ADD2: variants seen among roughly 807,000 people sequenced by gnomAD.
The protein encoded by ADD2 is beta-adducin.
A neutral mutation model predicts 83.0 loss-of-function variants in ADD2; 23 were observed. The observed-to-expected ratio is 0.28, with a 90% CI of 0.20 to 0.39. ADD2 has a LOEUF of 0.39. Ranked by LOEUF, ADD2 falls within the 10% of genes least tolerant of loss-of-function variation. The pLI, the probability that ADD2 is intolerant of heterozygous loss-of-function variation, is 1.00. For synonymous variants in ADD2, 375 were observed against 375.4 expected (o/e 1.00, Z 0.01); for missense variants, 758 against 944.9 (o/e 0.80, Z 2.59).
chr2:70,688,144 A>G, intron 8 of ADD2, 22 bp from the exon 9 acceptor site: 1 of 1,597,242 alleles, frequency 6.3e-7, no homozygotes, highest in Non-Finnish European at 8.6e-7. Context: ...TAAATAGTCA[A>G]TTAAAACCTT....
intron 15 of ADD2, among the ~76,000 whole-genome samples, chr2:70,664,986 GA>G (rs1553365891): frequency 1.2e-5 from 1 of 81,056 alleles, no homozygotes; most frequent in Non-Finnish European, 2.7e-5. Flanking sequence ...GAATGTGTGC[GA>G]GTGAGTGTGT....
chr2:70,733,857 T>A (rs1454471880), intron 1 of ADD2, among the ~76,000 whole-genome samples: 1 of 152,206 alleles, frequency 6.6e-6, no homozygotes, highest in Non-Finnish European at 1.5e-5. Context: ...GCTGTACTGA[T>A]AAAGAAAGGA....
chr2:70,743,737 G>A (rs1285248479), intron 1 of ADD2, among the ~76,000 whole-genome samples: 1 of 152,172 alleles, frequency 6.6e-6, no homozygotes, highest in Admixed American at 6.5e-5. Flanking sequence ...AGTCAACAAT[G>A]AAATAGGAAG....
chr2:70,689,527 C>T (rs1182778097), intron 8 of ADD2, among the ~76,000 whole-genome samples: 11 of 152,210 alleles, frequency 7.2e-5, no homozygotes, highest in Admixed American at 4.6e-4. Context: ...ACAATGAATA[C>T]CCCATCTCTC....
intron 1 of ADD2, among the ~76,000 whole-genome samples, chr2:70,737,404 G>A (rs1156461845): frequency 6.6e-6 from 1 of 152,066 alleles, no homozygotes; most frequent in Non-Finnish European, 1.5e-5. Context: ...CATAAAAAAG[G>A]ATGAGTTCAT....
chr2:70,685,220 C>T (rs1165331145), intron 9 of ADD2, among the ~76,000 whole-genome samples: 1 of 152,114 alleles, frequency 6.6e-6, no homozygotes, highest in Non-Finnish European at 1.5e-5. Context: ...ATGAAAAAAT[C>T]CAATTTAACC....
At chr2:70,702,772 T>C (rs1165045151) in intron 4 of ADD2, among the ~76,000 whole-genome samples, 2 of 150,718 alleles carry the variant, frequency 1.3e-5, no homozygotes, top group Non-Finnish European at 3.0e-5. Context: ...TAAAAATCTA[T>C]AAGAAAATAA....
Position 70,663,753 on chromosome 2 carries a change from G to T in ADD2, c.1871-18C>A. ...AGTACCTTCTAGAAAAAGATCAAAA[G>T]ATATGACCTGTAAGATTTCATTCAG... On this transcript the variant is annotated intron_variant, in intron 15 of 15. Transcript: ENST00000264436. The T allele has an allele frequency of 1.9e-6, 3 of 1,604,334 alleles. No homozygotes were observed. Among genetic ancestry groups the T allele is most frequent in the South Asian group, 2.2e-5 (2 of 90,360 alleles).
intron 1 of ADD2, among the ~76,000 whole-genome samples, chr2:70,745,026 A>C (rs6744191): frequency 0.35 from 52,607 of 151,904 alleles, 9,164 homozygotes; most frequent in Middle Eastern, 0.41. Context: ...GTGGCTCACG[A>C]TTGTAATCCC....
intron 15 of ADD2, among the ~76,000 whole-genome samples, chr2:70,668,099 G>T (rs1449467926): frequency 6.6e-6 from 1 of 152,156 alleles, no homozygotes; most frequent in Admixed American, 6.5e-5. Context: ...TAGAGCTCCT[G>T]GTTCTCAGGC....
intron 1 of ADD2, among the ~76,000 whole-genome samples, chr2:70,752,068 CAA>C (rs1371713158): frequency 5.3e-5 from 8 of 152,112 alleles, no homozygotes; most frequent in Admixed American, 3.9e-4. Context: ...GGTTTCAAGC[CAA>C]AGACACTACA....
At chr2:70,673,397 AACC>A (rs1553367559) in intron 14 of ADD2, 1 of 1,274,798 alleles carries the variant, frequency 7.8e-7, no homozygotes, top group Non-Finnish European at 1.1e-6. Context: ...GTGGACCCAC[AACC>A]ACCAACTCCC....
chr2:70,713,266 C>A, intron 1 of ADD2, 82 bp from the exon 2 acceptor site: 1 of 557,724 alleles, frequency 1.8e-6, no homozygotes, highest in Non-Finnish European at 2.3e-6. Context: ...CTGGGAAATT[C>A]CTTAAAATGA....
chr2:70,714,292 A>G (rs1672350719), intron 1 of ADD2, among the ~76,000 whole-genome samples: 1 of 151,976 alleles, frequency 6.6e-6, no homozygotes, highest in Non-Finnish European at 1.5e-5. Context: ...CCCCCACCCT[A>G]CCGCCACCTG....
chr2:70,689,190 C>A (rs1019173933), intron 8 of ADD2, among the ~76,000 whole-genome samples: 1 of 152,234 alleles, frequency 6.6e-6, no homozygotes, highest in Non-Finnish European at 1.5e-5. Flanking sequence ...ATGTTTTAGA[C>A]TCAGTCAGGG....
rs782402664 is a variant in ADD2, at chr2:70,678,714, G to A, written c.1373C>T (p.Pro458Leu). ...TGGGCTCCCCCTTACCGTGGTCTTGGGTCGGGGGCTGCCCATGCTCCTCTG... is the reference window on the plus strand; with the variant it reads ...TGGGCTCCCCCTTACCGTGGTCTTGAGTCGGGGGCTGCCCATGCTCCTCTG... ...EVQRSMGSPR[P>L]KTTWMKADEV... The change falls in exon 11 of 16, where the codon CCC becomes CTC. Residue 458 changes from proline to leucine, a missense_variant. Physicochemically the swap from Pro to Leu is moderately conservative, Grantham distance 98. Transcript: ENST00000264436. The A allele has an allele frequency of 8.3e-6, 13 of 1,566,272 alleles. No homozygotes were observed. The highest frequency in any genetic ancestry group is 1.1e-5 in the Non-Finnish European group (13 of 1,154,322).
chr2:70,738,337 T>C (rs1395318686), intron 1 of ADD2, among the ~76,000 whole-genome samples: 2 of 152,112 alleles, frequency 1.3e-5, no homozygotes, highest in African/African-American at 4.8e-5. Context: ...AGACTGACAA[T>C]TAGCCTAGGG....
At chr2:70,701,295 A>G (rs1454604967) in intron 4 of ADD2, among the ~76,000 whole-genome samples, 9 of 151,410 alleles carry the variant, frequency 5.9e-5, no homozygotes, top group South Asian at 2.1e-4. Flanking sequence ...AGTTCAAGGG[A>G]AAAAAAAACC....
Position 70,663,692 on chromosome 2 carries a change from C to T in ADD2, c.1914G>A (p.Glu638=), listed in dbSNP as rs782732851. Residue 638 remains glutamate (E), a synonymous_variant, in exon 16 of 16, where the codon GAG becomes GAA. Coordinates refer to ENST00000264436, the MANE Select transcript of ADD2 (RefSeq NM_001617.4). The part of the protein sequence containing the change: ...KTETSKAATT[E]PETTQPEGVV... Reference sequence around the variant, plus strand: ...CCCCTTCCGGCTGGGTTGTTTCGGGCTCTGTGGTGGCGGCTTTGCTTGTTT... The same window carrying T: ...CCCCTTCCGGCTGGGTTGTTTCGGGTTCTGTGGTGGCGGCTTTGCTTGTTT... 3.1e-6 allele frequency: 5 copies of T among 1,614,128 alleles called. No individual in the cohort carries two copies. Among genetic ancestry groups the T allele is most frequent in the Non-Finnish European group, 4.2e-6 (5 of 1,180,038 alleles).
Sources: allele counts gnomAD v4.1 joint callset (sites outside exome capture counted in the v4.1 genomes callset), GRCh38; gene constraint gnomAD v4.1.1; transcripts MANE v1.5; gene names NCBI Gene and HGNC (gene_info 2026-07-23, HGNC 2026-07-21).